CNNM4: variants seen among roughly 807,000 people sequenced by gnomAD.
CNNM4 encodes the protein cyclin and CBS domain divalent metal cation transport mediator 4, also known as metal transporter CNNM4.
In CNNM4, 32 loss-of-function variants were observed where a neutral mutation model predicts 53.7. The ratio of observed to expected loss-of-function variants is 0.60; its 90% confidence interval spans 0.45 to 0.80. CNNM4 has a LOEUF of 0.80. Ranked by LOEUF, CNNM4 falls within the 30% of genes least tolerant of loss-of-function variation. The pLI, the probability that CNNM4 is intolerant of heterozygous loss-of-function variation, is 0.00. For missense variants in CNNM4, 784 were observed against 1,022.0 expected (o/e 0.77, Z 3.17); for synonymous variants, 410 against 440.0 (o/e 0.93, Z 0.85).
chr2:96,764,382 G>A (rs761713413), intron 1 of CNNM4, among the ~76,000 whole-genome samples: 5 of 152,214 alleles, frequency 3.3e-5, no homozygotes, highest in Admixed American at 6.5e-5. Context: ...ACAGAGGCCA[G>A]TAGCCTGAGG....
rs1388418789 is a variant in CNNM4, at chr2:96,783,894, TA to T, written c.1403-13113del. Among the ~76,000 whole-genome samples, 3 of 152,298 alleles carry T rather than the reference TA, an allele frequency of 2.0e-5. No homozygotes were observed. The East Asian group carries it at 5.8e-4, about 29-fold the overall frequency. On this transcript the variant is annotated intron_variant, in intron 1 of 6. Transcript: ENST00000377075. ...GAAAATACAAAGAATGTAAAGAATT[TA>T]AAAAGCAGCGTACAAAACAATATAT... is the stretch of plus-strand genomic sequence containing the variant.
At position 96,797,723 on chromosome 2, in the gene CNNM4, C is replaced by G; in HGVS notation, c.1681+76C>G. 1 of 1,585,698 alleles carries G rather than the reference C, an allele frequency of 6.3e-7. No individual in the cohort carries two copies. The highest frequency in any genetic ancestry group is 8.6e-7 in the Non-Finnish European group (1 of 1,167,596). ...GAAGTCCTGGGTTTCCGGCTGCTTT[C>G]CCCCCATAGGACGAGGGCTGCAGCA... On this transcript the variant is annotated intron_variant, in intron 3 of 6. Coordinates refer to ENST00000377075, the MANE Select transcript of CNNM4 (RefSeq NM_020184.4). This position sits in a 1 kb window ranked among gnomAD's most constrained non-coding sequence, Gnocchi z 6.0.
intron 5 of CNNM4, among the ~76,000 whole-genome samples, chr2:96,807,448 C>G (rs1448110708): frequency 1.3e-5 from 2 of 151,892 alleles, no homozygotes; most frequent in Non-Finnish European, 1.5e-5. Context: ...CACAGTGAAA[C>G]CCCGTCTCTA....
chr2:96,805,418 G>GTTTTTTTTTTTTTTTT (rs898761608), intron 5 of CNNM4, among the ~76,000 whole-genome samples: 448 of 75,688 alleles, frequency 5.9e-3, no homozygotes, highest in Middle Eastern at 0.021. Context: ...CTTCTTTTCA[G>GTTTTTTTTTTTTTTTT]TTTTTTTTTT....
At position 96,800,219 on chromosome 2, in the gene CNNM4, C is replaced by T. The variant is rs537196557; in HGVS notation, c.1948+571C>T. On this transcript the variant is annotated intron_variant, in intron 5 of 6. Coordinates refer to ENST00000377075, the MANE Select transcript of CNNM4 (RefSeq NM_020184.4). The surrounding 1 kb of genome is among the most constrained non-coding windows in gnomAD (Gnocchi z 4.6). ...AGGTCCGGGGATGCGCCACTCTGGC[C>T]GCCCCAGTGCCCTCTCCTGTGCTGA... is the stretch of plus-strand genomic sequence containing the variant. 1.4e-4 allele frequency among the ~76,000 whole-genome samples: 21 copies of T among 152,164 alleles called. No homozygotes were observed. Among genetic ancestry groups the T allele is most frequent in the Non-Finnish European group, 1.9e-4 (13 of 67,972 alleles).
intron 1 of CNNM4, among the ~76,000 whole-genome samples, chr2:96,766,054 G>T (rs1183000226): frequency 1.3e-5 from 2 of 149,552 alleles, no homozygotes; most frequent in Non-Finnish European, 3.0e-5. Context: ...AAAGTGCTGG[G>T]ATTACAGGTG....
intron 1 of CNNM4, among the ~76,000 whole-genome samples, chr2:96,775,979 G>A (rs1429960229): frequency 6.6e-6 from 1 of 151,132 alleles, no homozygotes; most frequent in African/African-American, 2.4e-5. Flanking sequence ...TCCCTCCTCG[G>A]CCTCCTAAAG....
intron 1 of CNNM4, among the ~76,000 whole-genome samples, chr2:96,791,084 C>T (rs1177048332): frequency 6.7e-6 from 1 of 148,496 alleles, no homozygotes; most frequent in East Asian, 2.0e-4. Flanking sequence ...CGCACCACTG[C>T]ACTCCAGCCT....
chr2:96,799,074 C>G lies in CNNM4; in HGVS notation c.1699C>G (p.Pro567Ala), dbSNP rs1206301449. 4 of 1,614,016 alleles carry G rather than the reference C, an allele frequency of 2.5e-6. No individual in the cohort carries two copies. The Admixed American group carries it at 6.7e-5, about 27-fold the overall frequency. ...FLATEVSQFSPSLISEKILLR... is the reference protein window; with the variant it reads ...FLATEVSQFSASLISEKILLR... The stretch of plus-strand genomic sequence containing the variant: ...TCCTACAGAGGTCTCTCAGTTTAGC[C>G]CCTCCCTGATATCAGAGAAGATCCT... The change falls in exon 4 of 7, where the codon CCC (proline) becomes GCC (alanine). Residue 567 changes from proline (P) to alanine (A), a missense_variant. Transcript: ENST00000377075.
intron 1 of CNNM4, among the ~76,000 whole-genome samples, chr2:96,769,030 T>A (rs1321163674): frequency 6.6e-6 from 1 of 152,098 alleles, no homozygotes; most frequent in African/African-American, 2.4e-5. Flanking sequence ...GGCGGGCGGA[T>A]CATGAGGTCA....
chr2:96,770,380 C>A (rs2078857884), intron 1 of CNNM4, among the ~76,000 whole-genome samples: 1 of 152,158 alleles, frequency 6.6e-6, no homozygotes, highest in African/African-American at 2.4e-5. Context: ...CAGGGAATGG[C>A]CCTACAGGAT....
chr2:96,764,311 G>A (rs1355765765), intron 1 of CNNM4, among the ~76,000 whole-genome samples: 3 of 152,278 alleles, frequency 2.0e-5, no homozygotes, highest in African/African-American at 7.2e-5. Flanking sequence ...CTCTTAGGCC[G>A]TAGCAGAGCT....
intron 1 of CNNM4, among the ~76,000 whole-genome samples, chr2:96,779,806 ATT>A (rs776999926): frequency 2.8e-4 from 40 of 141,740 alleles, no homozygotes; most frequent in Admixed American, 3.6e-4. Flanking sequence ...AAGACTTGAC[ATT>A]TTTTTTTTTT....
chr2:96,781,504 A>C (rs1486493698), intron 1 of CNNM4, among the ~76,000 whole-genome samples: 2 of 152,080 alleles, frequency 1.3e-5, no homozygotes, highest in Non-Finnish European at 2.9e-5. Flanking sequence ...TTGAGCCACC[A>C]TGCCCGCACC....
rs2079153814 is a variant in CNNM4, at chr2:96,801,113, TC to T, written c.1948+1468del. The T allele has an allele frequency of 1.0e-5, 10 of 985,282 alleles. No homozygotes were observed. The highest frequency in any genetic ancestry group is 1.2e-5 in the Non-Finnish European group (10 of 829,930). 61.0% of individuals were successfully genotyped at this position (985,282 alleles called of 1,614,324 possible). ...CGGGTGTCCGCCTGGCAAGCGGAAC[TC>T]CCTGCTCTGCTGGCTCACAGGTAAC... On this transcript the variant is annotated intron_variant, in intron 5 of 6. Coordinates refer to ENST00000377075, the MANE Select transcript of CNNM4 (RefSeq NM_020184.4). The surrounding 1 kb of genome is among the most constrained non-coding windows in gnomAD (Gnocchi z 5.6).
chr2:96,765,024 G>GTTTTGTTTTTTTTGTTTTTTT (rs2078801834), intron 1 of CNNM4, among the ~76,000 whole-genome samples: 1 of 41,518 alleles, frequency 2.4e-5, no homozygotes, highest in African/African-American at 8.8e-5. Flanking sequence ...GTTGGGAATG[G>GTTTTGTTTTTTTTGTTTTTTT]TTTTTTTTTT....
chr2:96,787,822 T>A (rs1380470395), intron 1 of CNNM4, among the ~76,000 whole-genome samples: 3 of 152,202 alleles, frequency 2.0e-5, no homozygotes, highest in Non-Finnish European at 4.4e-5. Context: ...ATTGTGCCAC[T>A]GTACTGCAGC....
intron 5 of CNNM4, among the ~76,000 whole-genome samples, chr2:96,803,443 G>A (rs1047094486): frequency 2.0e-5 from 3 of 152,096 alleles, no homozygotes; most frequent in Non-Finnish European, 4.4e-5. Context: ...CCTTGCAGTT[G>A]GCCGTGCGCG....
intron 1 of CNNM4, among the ~76,000 whole-genome samples, chr2:96,793,273 C>T (rs2079077012): frequency 6.6e-6 from 1 of 152,094 alleles, no homozygotes. Flanking sequence ...GCTCTCTGGC[C>T]CGGGGAGGGG....
Sources: gnomAD v4.1 joint callset for allele counts (sites outside exome capture counted in the v4.1 genomes callset) on GRCh38, gnomAD v4.1.1 for gene constraint, Gnocchi (gnomAD v3.1) non-coding constraint, MANE v1.5 for transcripts, NCBI Gene and HGNC (gene_info 2026-07-23, HGNC 2026-07-21) for gene names.